Variants in SH3RF3 observed in about 807,000 individuals in gnomAD.
The protein encoded by SH3RF3 is SH3 domain containing ring finger 3.
Under a neutral mutation model 66.3 loss-of-function variants are expected in SH3RF3, and 29 were observed. The observed-to-expected ratio is 0.44, with a 90% CI of 0.33 to 0.60. The LOEUF is 0.60. SH3RF3 is among the 20% of genes least tolerant of loss of function. SH3RF3 has a pLI of 0.04. For synonymous variants in SH3RF3, 583 were observed against 532.0 expected, an observed-to-expected ratio of 1.10 and a Z score of -1.32; for missense variants, 1,194 against 1,190.9, an observed-to-expected ratio of 1.00 and a Z score of -0.04.
At chr2:109,130,672 C>T (rs1347240769) in intron 1 of SH3RF3, among the ~76,000 whole-genome samples, 3 of 152,154 alleles carry the variant, frequency 2.0e-5, no homozygotes, top group Non-Finnish European at 2.9e-5. Context: ...AGCCTTTTGA[C>T]CCAGCCCTTT....
At chr2:109,224,747 C>T (rs1679332132) in intron 1 of SH3RF3, among the ~76,000 whole-genome samples, 1 of 152,112 alleles carries the variant, frequency 6.6e-6, no homozygotes, top group South Asian at 2.1e-4. Flanking sequence ...ATCCCAGCTA[C>T]TTGGGAGGCT....
chr2:109,429,927 C>G (rs7600004), intron 5 of SH3RF3, among the ~76,000 whole-genome samples: 78,656 of 147,952 alleles, frequency 0.53, 21,775 homozygotes, highest in African/African-American at 0.72. Flanking sequence ...CCCCAGTCAG[C>G]GGGTGTAGCC....
chr2:109,129,840 G>C lies in SH3RF3; in HGVS notation c.300G>C (p.Leu100=). The C allele has an allele frequency of 1.3e-6, 2 of 1,532,678 alleles. No individual in the cohort carries two copies. The highest frequency in any genetic ancestry group is 2.4e-5 in the South Asian group (2 of 82,902). The allele number at this position is 1,532,678 out of a possible 1,614,324, so 94.9% of individuals were successfully genotyped here. Reference sequence around the variant, plus strand: ...TGCGCTGCCCCGAGTGCCGCATCCTGGTGGGCTGCGGCGTGGACGAACTGC... The same window carrying C: ...TGCGCTGCCCCGAGTGCCGCATCCTCGTGGGCTGCGGCGTGGACGAACTGC... The part of the protein sequence containing the change: ...HELRCPECRI[L]VGCGVDELPA... Residue 100 remains leucine (L), a synonymous_variant, in exon 1 of 10, where the codon CTG becomes CTC. Transcript: ENST00000309415.
intron 4 of SH3RF3, among the ~76,000 whole-genome samples, chr2:109,414,985 C>T (rs993075919): frequency 1.4e-4 from 22 of 152,292 alleles, no homozygotes; most frequent in African/African-American, 3.4e-4. Context: ...CCTGGGCCAC[C>T]GCAGCCACAA....
chr2:109,360,750 A>G (rs868721077), intron 2 of SH3RF3, among the ~76,000 whole-genome samples: 28 of 152,352 alleles, frequency 1.8e-4, no homozygotes, highest in African/African-American at 5.8e-4. Context: ...ATAGATGATC[A>G]TGTCATCTGT....
chr2:109,363,267 G>T (rs1683088804), intron 2 of SH3RF3, among the ~76,000 whole-genome samples: 1 of 151,884 alleles, frequency 6.6e-6, no homozygotes, highest in African/African-American at 2.4e-5. Context: ...ATTGGAGTCT[G>T]CAATATTCAT....
At chr2:109,431,137 G>A (rs1185354689) in intron 5 of SH3RF3, among the ~76,000 whole-genome samples, 1 of 152,162 alleles carries the variant, frequency 6.6e-6, no homozygotes, top group Admixed American at 6.5e-5. Flanking sequence ...TCACTTCTAA[G>A]TGGGGTTCCT....
At chr2:109,140,751 C>T (rs1045220524) in intron 1 of SH3RF3, among the ~76,000 whole-genome samples, 1 of 152,164 alleles carries the variant, frequency 6.6e-6, no homozygotes, top group African/African-American at 2.4e-5. Flanking sequence ...GTGCTCTACA[C>T]GTGGTTAATA....
chr2:109,246,406 A>G (rs1679917168), intron 1 of SH3RF3, among the ~76,000 whole-genome samples: 1 of 152,206 alleles, frequency 6.6e-6, no homozygotes, highest in African/African-American at 2.4e-5. Context: ...CACTAATCCC[A>G]TTCATGAGGG....
rs1683226313 is a variant in SH3RF3 at position 109,369,797 on chromosome 2, C to T, written c.850-1789C>T. Among the ~76,000 whole-genome samples the T allele has an allele frequency of 2.0e-5, 3 of 152,216 alleles. 1 individual carries two copies. Among genetic ancestry groups the T allele is most frequent in the East Asian group, 3.8e-4 (2 of 5,196 alleles). On this transcript the variant is annotated intron_variant, in intron 2 of 9. Transcript: ENST00000309415. ...GGACACCAAACCCTACGGCCCCCTC[C>T]GCTCCCGGTGAAGCAGTTTCTCTGA...
At chr2:109,349,494 G>C (rs369648594) in intron 2 of SH3RF3, among the ~76,000 whole-genome samples, 14 of 152,302 alleles carry the variant, frequency 9.2e-5, no homozygotes, top group African/African-American at 3.4e-4. Flanking sequence ...TCTCTGCCCA[G>C]TGGACTCTTC....
At chr2:109,149,601 G>A (rs963895833) in intron 1 of SH3RF3, among the ~76,000 whole-genome samples, 1 of 152,168 alleles carries the variant, frequency 6.6e-6, no homozygotes, top group African/African-American at 2.4e-5. Flanking sequence ...AGGTCCAGCA[G>A]GAGGACAGCT....
intron 1 of SH3RF3, among the ~76,000 whole-genome samples, chr2:109,160,506 G>C (rs187781956): frequency 6.6e-6 from 1 of 152,340 alleles, no homozygotes; most frequent in Admixed American, 6.5e-5. Flanking sequence ...CAGGGAGAAC[G>C]TGTGAGGACT....
intron 8 of SH3RF3, among the ~76,000 whole-genome samples, chr2:109,471,553 G>A (rs1678509766): frequency 6.6e-6 from 1 of 152,194 alleles, no homozygotes; most frequent in South Asian, 2.1e-4. Flanking sequence ...TGGGGACACA[G>A]AGCCAAACCA....
intron 8 of SH3RF3, among the ~76,000 whole-genome samples, chr2:109,456,871 G>T (rs1297412855): frequency 6.6e-6 from 1 of 152,204 alleles, no homozygotes; most frequent in African/African-American, 2.4e-5. Flanking sequence ...CTTCTGGGGA[G>T]AATAGCCTAG....
intron 9 of SH3RF3, among the ~76,000 whole-genome samples, chr2:109,499,765 G>T (rs1679342448): frequency 6.6e-6 from 1 of 152,220 alleles, no homozygotes; most frequent in African/African-American, 2.4e-5. Flanking sequence ...AGGGGGGTGT[G>T]TGTGTATGTG....
At chr2:109,317,049 C>T (rs1255936078) in intron 1 of SH3RF3, among the ~76,000 whole-genome samples, 1 of 152,122 alleles carries the variant, frequency 6.6e-6, no homozygotes, top group Non-Finnish European at 1.5e-5. Context: ...ATCCACTCAC[C>T]TCCTGAGGCT....
chr2:109,331,478 G>A (rs573161403), intron 1 of SH3RF3, among the ~76,000 whole-genome samples: 1 of 151,988 alleles, frequency 6.6e-6, no homozygotes, highest in East Asian at 1.9e-4. Flanking sequence ...CAAAACCTCA[G>A]GGCTCCCGCG....
chr2:109,129,966 C>A lies in SH3RF3; in HGVS notation c.426C>A (p.Gly142=). The change falls in exon 1 of 10, where the codon GGC becomes GGA. Residue 142 remains glycine (G), a synonymous_variant. Transcript: ENST00000309415. ...GCCCGCCCGCGCGTCCCATCCCAGG[C>A]CAGAGTGCGGCCCCCACGCTCGCGG... The part of the protein sequence containing the change: ...GGSPPARPIP[G]QSAAPTLAGG... The A allele has an allele frequency of 2.1e-6, 3 of 1,413,520 alleles. No individual in the cohort carries two copies. The highest frequency in any genetic ancestry group is 1.5e-5 in the South Asian group (1 of 66,782). 87.6% of individuals were successfully genotyped at this position (1,413,520 alleles called of 1,614,324 possible).
Sources: gnomAD v4.1 joint callset for allele counts (sites outside exome capture counted in the v4.1 genomes callset) on GRCh38, gnomAD v4.1.1 for gene constraint, MANE v1.5 for transcripts, NCBI Gene and HGNC (gene_info 2026-07-23, HGNC 2026-07-21) for gene names.